Variants in RAPGEF6 observed in about 807,000 individuals in gnomAD.
The protein encoded by RAPGEF6 is PDZ domain containing guanine nucleotide exchange factor (GEF) 2.
RAPGEF6 carries 56 observed loss-of-function variants against 171.4 expected under a neutral mutation model. That is an observed-to-expected ratio of 0.33 (90% CI 0.26 to 0.41). The LOEUF (loss-of-function observed/expected upper bound fraction) is 0.41. Among genes scored for constraint, RAPGEF6 ranks in the 10% least tolerant of loss-of-function variants. RAPGEF6 has a pLI of 1.00. For missense variants in RAPGEF6, 1,674 were observed against 1,921.4 expected, an observed-to-expected ratio of 0.87 and a Z score of 2.41; for synonymous variants, 692 against 650.1, an observed-to-expected ratio of 1.06 and a Z score of -0.98.
chr5:131,630,547 A>T (rs755824097), intron 1 of RAPGEF6, among the ~76,000 whole-genome samples: 1 of 152,230 alleles, frequency 6.6e-6, no homozygotes, highest in Non-Finnish European at 1.5e-5. Flanking sequence ...TTCCATAAGA[A>T]TATCTTTGCA....
At chr5:131,434,584 C>T (rs1751908689) in intron 24 of RAPGEF6, among the ~76,000 whole-genome samples, 1 of 152,156 alleles carries the variant, frequency 6.6e-6, no homozygotes, top group Admixed American at 6.5e-5. Context: ...TAGTGTCATA[C>T]TTAGTTTCCT....
At position 131,554,706 on chromosome 5, in the gene RAPGEF6, G is replaced by A. The variant is rs1044338099; in HGVS notation, c.352-6516C>T. ...TAATTTTTGTATTTTCAGTAGAGAC[G>A]GGGTTTCACCATGTTGGCCAGGCTG... On this transcript the variant is annotated intron_variant, in intron 5 of 27. Transcript: ENST00000509018. Among the ~76,000 whole-genome samples the A allele has an allele frequency of 2.6e-5, 4 of 152,150 alleles. No individual in the cohort carries two copies. The South Asian group carries it at 8.3e-4, about 32-fold the overall frequency.
chr5:131,489,312 T>C (rs1007013838), intron 15 of RAPGEF6, among the ~76,000 whole-genome samples: 1 of 152,194 alleles, frequency 6.6e-6, no homozygotes, highest in East Asian at 1.9e-4. Flanking sequence ...ATTTCATAAA[T>C]AACTGAAGGT....
chr5:131,462,025 T>A lies in RAPGEF6; in HGVS notation c.2544A>T (p.Leu848=), dbSNP rs756356995. The A allele has an allele frequency of 1.2e-6, 2 of 1,613,412 alleles. No homozygotes were observed. The highest frequency in any genetic ancestry group is 2.7e-5 in the African/African-American group (2 of 74,936). Residue 848 remains leucine (L), a synonymous_variant, in exon 19 of 28, where the codon CTA becomes CTT. Coordinates refer to ENST00000509018, the MANE Select transcript of RAPGEF6 (RefSeq NM_016340.6). ...GCATGGATAGCTGGCTTTCCTTAAC[T>A]AGTTCTTGAGCATCTTCATCTGAAC... ...TLCSDEDAQE[L]VKESQLSMLQ...
intron 22 of RAPGEF6, among the ~76,000 whole-genome samples, chr5:131,445,993 G>A (rs1207721328): frequency 1.3e-5 from 2 of 151,628 alleles, no homozygotes; most frequent in South Asian, 2.1e-4. Flanking sequence ...TTGAGAACAC[G>A]ATCTTTTCCA....
chr5:131,575,589 T>C (rs1762557662), intron 4 of RAPGEF6, among the ~76,000 whole-genome samples: 1 of 152,202 alleles, frequency 6.6e-6, no homozygotes, highest in African/African-American at 2.4e-5. Context: ...CGCCTTTGGA[T>C]ACCAGGTTTT....
intron 4 of RAPGEF6, 61 bp downstream of exon 4, chr5:131,592,322 A>G (rs1763640991): frequency 6.4e-7 from 1 of 1,569,016 alleles, no homozygotes; most frequent in African/African-American, 1.4e-5. Context: ...AAGAAAATAT[A>G]CATCCTATAC....
At chr5:131,557,065 C>T (rs561789006) in intron 5 of RAPGEF6, among the ~76,000 whole-genome samples, 1 of 152,266 alleles carries the variant, frequency 6.6e-6, no homozygotes, top group East Asian at 1.9e-4. Flanking sequence ...TCACAACACC[C>T]AGCTTAAGTA....
chr5:131,606,441 A>C (rs1764592488), intron 1 of RAPGEF6, among the ~76,000 whole-genome samples: 1 of 152,148 alleles, frequency 6.6e-6, no homozygotes, highest in African/African-American at 2.4e-5. Flanking sequence ...GAATTGAACA[A>C]CCACATTTAT....
intron 23 of RAPGEF6, among the ~76,000 whole-genome samples, chr5:131,440,884 A>G (rs1388244466): frequency 6.6e-6 from 1 of 152,042 alleles, no homozygotes; most frequent in Non-Finnish European, 1.5e-5. Context: ...AACTTCACCA[A>G]TTCTGCACCC....
intron 4 of RAPGEF6, 71 bp from the exon 5 acceptor site, chr5:131,562,118 C>A: frequency 4.9e-6 from 5 of 1,030,604 alleles, no homozygotes; most frequent in Admixed American, 2.7e-5. Flanking sequence ...GAAAAGAAAA[C>A]AAACAAACAA....
At chr5:131,451,801 T>C (rs1180837389) in intron 21 of RAPGEF6, among the ~76,000 whole-genome samples, 2 of 152,182 alleles carry the variant, frequency 1.3e-5, no homozygotes, top group African/African-American at 2.4e-5. Flanking sequence ...TTTTAAGCCA[T>C]AGAAATTGTG....
chr5:131,548,340 G>T, intron 5 of RAPGEF6, 150 bp from the exon 6 acceptor site: 2 of 713,192 alleles, frequency 2.8e-6, no homozygotes, highest in Non-Finnish European at 4.5e-6. Flanking sequence ...CAACGCTCAT[G>T]AGTTAAAGAT....
At chr5:131,632,878 T>C (rs755575060) in intron 1 of RAPGEF6, among the ~76,000 whole-genome samples, 31 of 152,234 alleles carry the variant, frequency 2.0e-4, no homozygotes, top group Non-Finnish European at 4.1e-4. Context: ...TAACCTCTTA[T>C]GCTGCTAGAT....
chr5:131,436,865 G>A lies in RAPGEF6; in HGVS notation c.3745+2716C>T, dbSNP rs560120163. Among the ~76,000 whole-genome samples, 121 of 152,244 alleles carry A rather than the reference G, an allele frequency of 7.9e-4. 1 individual carries two copies. Among genetic ancestry groups the A allele is most frequent in the African/African-American group, 2.7e-3 (113 of 41,556 alleles). ...TCTGATCCTGTTGTAGATCCAAGGT[G>A]GAGAGTGCTTTTCTTAAACACTAGG... On this transcript the variant is annotated intron_variant, in intron 24 of 27. Coordinates refer to ENST00000509018, the MANE Select transcript of RAPGEF6 (RefSeq NM_016340.6).
intron 22 of RAPGEF6, 121 bp downstream of exon 22, chr5:131,446,362 T>C (rs1752689204): frequency 1.1e-6 from 1 of 896,464 alleles, no homozygotes; most frequent in African/African-American, 1.7e-5. Flanking sequence ...ATGCTTAAGG[T>C]ATGCCAGCAA....
intron 22 of RAPGEF6, among the ~76,000 whole-genome samples, chr5:131,442,959 T>G (rs1385573413): frequency 6.6e-6 from 1 of 151,154 alleles, no homozygotes; most frequent in Admixed American, 6.6e-5. Context: ...GGCTTTTTTT[T>G]TTGTTTTTTT....
In RAPGEF6 at chr5:131,426,857, G is replaced by A. The variant is rs1296407893; in HGVS notation, c.*409C>T. On this transcript the variant is annotated 3_prime_UTR_variant, in exon 28 of 28. Coordinates refer to ENST00000509018, the MANE Select transcript of RAPGEF6 (RefSeq NM_016340.6). ...TTTTCAAATATACAAGAATATCCTT[G>A]GTATTGGCAGACAATTTCAATTTGT... The A allele has an allele frequency of 5.5e-6, 1 of 180,810 alleles. No individual in the cohort carries two copies. The highest frequency in any genetic ancestry group is 1.1e-5 in the Non-Finnish European group (1 of 87,516). 11.2% of individuals were successfully genotyped at this position (180,810 alleles called of 1,614,324 possible). A position where few individuals can be genotyped will look rare whatever the true frequency, so the allele number is the denominator to read the frequency against.
rs183845068 is a variant in RAPGEF6, at chr5:131,490,468, A to T, written c.1732-814T>A. ...AGTACCATGCAAAAATAATAAAAAG[A>T]GATCTATTTTTAAAAACATATCCCA... On this transcript the variant is annotated intron_variant, in intron 14 of 27. Coordinates refer to ENST00000509018, the MANE Select transcript of RAPGEF6 (RefSeq NM_016340.6). 3.0e-3 allele frequency among the ~76,000 whole-genome samples: 452 copies of T among 152,328 alleles called. 6 individuals are homozygous for T. Among genetic ancestry groups the T allele is most frequent in the Non-Finnish European group, 3.4e-3 (232 of 68,030 alleles).
Sources: allele counts gnomAD v4.1 joint callset (sites outside exome capture counted in the v4.1 genomes callset), GRCh38; gene constraint gnomAD v4.1.1; transcripts MANE v1.5; gene names NCBI Gene and HGNC (gene_info 2026-07-23, HGNC 2026-07-21).